The following ITPR1 variants were observed in gnomAD, a reference collection of about 807,000 sequenced individuals.
ITPR1 encodes inositol 1,4,5-trisphosphate-gated calcium channel ITPR1.
In ITPR1, 96 loss-of-function variants were observed where a neutral mutation model predicts 318.4. The observed-to-expected ratio is 0.30, with a 90% CI of 0.26 to 0.36. The LOEUF is 0.36. Among genes scored for constraint, ITPR1 ranks in the 10% least tolerant of loss-of-function variants. The pLI is 1.00. For missense variants in ITPR1, 2,440 were observed against 3,460.2 expected (o/e 0.71, Z 7.40); for synonymous variants, 1,312 against 1,289.9 (o/e 1.02, Z -0.37).
chr3:4,699,551 C>T (rs569988971), intron 34 of ITPR1, among the ~76,000 whole-genome samples: 4 of 152,260 alleles, frequency 2.6e-5, no homozygotes, highest in African/African-American at 7.2e-5. Flanking sequence ...TCCAGACACA[C>T]GTAGGAAGCT....
intron 54 of ITPR1, among the ~76,000 whole-genome samples, chr3:4,801,388 C>A (rs1373916761): frequency 6.6e-6 from 1 of 152,166 alleles, no homozygotes; most frequent in Non-Finnish European, 1.5e-5. Flanking sequence ...TCAAATGGCA[C>A]AGGCAGCAAG....
intron 24 of ITPR1, among the ~76,000 whole-genome samples, chr3:4,678,490 T>A (rs1446048486): frequency 6.6e-6 from 1 of 152,170 alleles, no homozygotes; most frequent in Non-Finnish European, 1.5e-5. Context: ...TTTCCACGGG[T>A]ACTTATTGAC....
At chr3:4,498,274 G>T (rs1344859701) in intron 2 of ITPR1, among the ~76,000 whole-genome samples, 2 of 152,328 alleles carry the variant, frequency 1.3e-5, no homozygotes, top group Non-Finnish European at 1.5e-5. Flanking sequence ...GTGGGGATTA[G>T]ATCTTTACTA....
intron 4 of ITPR1, among the ~76,000 whole-genome samples, chr3:4,557,547 A>T (rs556017375): frequency 6.6e-6 from 1 of 151,892 alleles, no homozygotes; most frequent in South Asian, 2.1e-4. Context: ...TTCCCTTTTG[A>T]CTGTGTTCAG....
At chr3:4,697,108 C>A (rs1574908109) in intron 33 of ITPR1, 39 bp from the exon 34 acceptor site, 1 of 1,602,812 alleles carries the variant, frequency 6.2e-7, no homozygotes, top group South Asian at 1.1e-5. Context: ...CCATACACAC[C>A]AAGATGGTTT....
intron 28 of ITPR1, 83 bp from the exon 29 acceptor site, chr3:4,684,198 C>G: frequency 1.1e-6 from 1 of 877,502 alleles, no homozygotes; most frequent in Non-Finnish European, 1.9e-6. Context: ...CCCTTTCTTT[C>G]CTAAAGGTCG....
At chr3:4,500,531 G>A (rs1290245089) in intron 2 of ITPR1, among the ~76,000 whole-genome samples, 1 of 152,048 alleles carries the variant, frequency 6.6e-6, no homozygotes, top group African/African-American at 2.4e-5. Context: ...CTCCACCTAG[G>A]GCCAAGTAGG....
At chr3:4,723,680 T>C (rs1325603463) in intron 40 of ITPR1, among the ~76,000 whole-genome samples, 1 of 151,568 alleles carries the variant, frequency 6.6e-6, no homozygotes, top group East Asian at 1.9e-4. Flanking sequence ...AGTTCCATCT[T>C]TATTTTCTTT....
rs1317596215 is a variant in ITPR1 at position 4,710,487 on chromosome 3, C to G, written c.4991+14C>G. 5 of 1,550,792 alleles carry G rather than the reference C, an allele frequency of 3.2e-6. No individual in the cohort carries two copies. Among genetic ancestry groups the G allele is most frequent in the Non-Finnish European group, 3.5e-6 (4 of 1,146,160 alleles). On this transcript the variant is annotated intron_variant, in intron 38 of 61. Transcript: ENST00000649015. This position sits in a 1 kb window ranked among gnomAD's most constrained non-coding sequence, Gnocchi z 4.2. ...TTTCATTTGCAAGTAAGCGGCCTCT[C>G]TCTCTGGGGTGTTCATTTGCCAGAA...
chr3:4,718,132 T>C (rs1006507858), intron 40 of ITPR1, among the ~76,000 whole-genome samples: 1 of 152,212 alleles, frequency 6.6e-6, no homozygotes, highest in Non-Finnish European at 1.5e-5. Context: ...ATGTTTTCTG[T>C]TTTGTGCATT....
chr3:4,640,013 T>C (rs536058395), intron 6 of ITPR1, among the ~76,000 whole-genome samples: 8 of 152,212 alleles, frequency 5.3e-5, no homozygotes, highest in Non-Finnish European at 1.0e-4. Context: ...GCCGTGGAGA[T>C]AAAACACAAT....
chr3:4,704,412 C>CA (rs1174974868), intron 36 of ITPR1, among the ~76,000 whole-genome samples: 3 of 151,932 alleles, frequency 2.0e-5, no homozygotes, highest in African/African-American at 7.2e-5. Flanking sequence ...AACTCTGTCT[C>CA]AAAAAAACAA....
intron 4 of ITPR1, among the ~76,000 whole-genome samples, chr3:4,589,478 C>T (rs922016779): frequency 9.9e-5 from 15 of 152,136 alleles, no homozygotes; most frequent in African/African-American, 3.1e-4. Context: ...TCCTGGCCCC[C>T]TGAATCATAA....
At position 4,693,760 on chromosome 3, in the gene ITPR1, G is replaced by T; in HGVS notation, c.4281+19G>T. On this transcript the variant is annotated intron_variant, in intron 33 of 61. Coordinates refer to ENST00000649015, the MANE Select transcript of ITPR1 (RefSeq NM_001378452.1). Reference sequence around the variant, plus strand: ...CCCTGAGGTGAGCGAGCCCAGCCTGGCTGTGCCCTTCTCGTTGCTATGTGG... The same window carrying T: ...CCCTGAGGTGAGCGAGCCCAGCCTGTCTGTGCCCTTCTCGTTGCTATGTGG... The T allele has an allele frequency of 6.2e-7, 1 of 1,601,792 alleles. No homozygotes were observed. The highest frequency in any genetic ancestry group is 1.7e-5 in the Admixed American group (1 of 58,544).
chr3:4,836,735 CTTTTTTTT>C (rs201029025), intron 60 of ITPR1, 31 bp from the exon 61 acceptor site: 49 of 1,070,428 alleles, frequency 4.6e-5, no homozygotes, highest in Middle Eastern at 3.4e-4. Flanking sequence ...GTGACTCAGT[CTTTTTTTT>C]TTTTTTTTTT....
chr3:4,796,538 A>T (rs546174224), intron 53 of ITPR1, among the ~76,000 whole-genome samples: 1 of 152,276 alleles, frequency 6.6e-6, no homozygotes, highest in South Asian at 2.1e-4. Context: ...CAGATTATTC[A>T]ACCCTTACCT....
Position 4,717,777 on chromosome 3 carries a change from G to A in ITPR1, c.5136+378G>A, listed in dbSNP as rs185121753. 3.9e-4 allele frequency among the ~76,000 whole-genome samples: 59 copies of A among 152,274 alleles called. 1 individual carries two copies. Among genetic ancestry groups the A allele is most frequent in the African/African-American group, 1.4e-3 (57 of 41,538 alleles). On this transcript the variant is annotated intron_variant, in intron 40 of 61. Transcript: ENST00000649015. ...GTGAGTAAAGCATCTGATACAAAAC[G>A]ATACAACAGCATTGGTATAATTTGA...
At chr3:4,569,465 A>G (rs1382554605) in intron 4 of ITPR1, among the ~76,000 whole-genome samples, 1 of 152,226 alleles carries the variant, frequency 6.6e-6, no homozygotes, top group East Asian at 1.9e-4. Flanking sequence ...AAAAATGAAT[A>G]TTGAGCGTCA....
chr3:4,544,189 T>C (rs1003988344), intron 4 of ITPR1, among the ~76,000 whole-genome samples: 19 of 152,230 alleles, frequency 1.2e-4, no homozygotes, highest in African/African-American at 3.4e-4. Flanking sequence ...AGCCTTTATG[T>C]TAAGAAGCAG....
Sources: gnomAD v4.1 joint callset for allele counts (sites outside exome capture counted in the v4.1 genomes callset) on GRCh38, gnomAD v4.1.1 for gene constraint, Gnocchi (gnomAD v3.1) non-coding constraint, MANE v1.5 for transcripts, NCBI Gene and HGNC (gene_info 2026-07-23, HGNC 2026-07-21) for gene names.